SIAH2: variants seen among roughly 807,000 people sequenced by gnomAD.
SIAH2 encodes siah E3 ubiquitin protein ligase 2, also known as E3 ubiquitin-protein ligase SIAH2.
SIAH2 carries 4 observed loss-of-function variants against 20.4 expected under a neutral mutation model. The observed-to-expected ratio is 0.20, with a 90% CI of 0.10 to 0.45. The LOEUF (loss-of-function observed/expected upper bound fraction) is 0.45, where lower values mean the gene tolerates loss of function less well. Among genes scored for constraint, SIAH2 ranks in the 20% least tolerant of loss-of-function variants. The pLI is 0.99. For synonymous variants in SIAH2, 171 were observed against 192.5 expected, an observed-to-expected ratio of 0.89 and a Z score of 0.93; for missense variants, 259 against 440.3, an observed-to-expected ratio of 0.59 and a Z score of 3.69.
At chr3:150,752,783 A>G (rs1375427811) in intron 1 of SIAH2, among the ~76,000 whole-genome samples, 1 of 152,184 alleles carries the variant, frequency 6.6e-6, no homozygotes, top group Non-Finnish European at 1.5e-5. Context: ...ACCTGCTGGT[A>G]CCACTGCCAT....
chr3:150,744,842 G>C lies in SIAH2; in HGVS notation c.418-2144C>G, dbSNP rs1714173721. On this transcript the variant is annotated intron_variant, in intron 1 of 1. Transcript: ENST00000312960. ...ATTCATGACGAACTCAACATTTACAGCAAATATTTATCACTTGGCAATCAT... is the reference window on the plus strand; with the variant it reads ...ATTCATGACGAACTCAACATTTACACCAAATATTTATCACTTGGCAATCAT... 2.0e-5 allele frequency among the ~76,000 whole-genome samples: 3 copies of C among 152,186 alleles called. No homozygotes were observed. The South Asian group carries it at 6.2e-4, about 32-fold the overall frequency.
In SIAH2 at chr3:150,762,195, C is replaced by A; in HGVS notation, c.417+238G>T. The A allele has an allele frequency of 5.1e-6, 4 of 779,564 alleles. No homozygotes were observed. The highest frequency in any genetic ancestry group is 7.5e-6 in the Non-Finnish European group (4 of 531,226). The allele number at this position is 779,564 out of a possible 1,614,324, so 48.3% of individuals were successfully genotyped here. A position where few individuals can be genotyped will look rare whatever the true frequency, so the allele number is the denominator to read the frequency against. ...GGCCGGGTGAGCTACGATGTTCTAA[C>A]GATCAGCAAATGCCAATTAATCTGT... is the stretch of plus-strand genomic sequence containing the variant. On this transcript the variant is annotated intron_variant, in intron 1 of 1. Coordinates refer to ENST00000312960, the MANE Select transcript of SIAH2 (RefSeq NM_005067.7). This position sits in a 1 kb window ranked among gnomAD's most constrained non-coding sequence, Gnocchi z 6.6.
intron 1 of SIAH2, among the ~76,000 whole-genome samples, chr3:150,753,766 C>T (rs143355083): frequency 6.6e-6 from 1 of 152,052 alleles, no homozygotes; most frequent in East Asian, 1.9e-4. Context: ...TGCACTCCAG[C>T]TTGGATGACA....
At position 150,762,528 on chromosome 3, in the gene SIAH2, A is replaced by G. The variant is rs1714642703; in HGVS notation, c.322T>C (p.Leu108=). 6.2e-7 allele frequency: 1 copy of G among 1,613,664 alleles called. No individual in the cohort carries two copies. Among genetic ancestry groups the G allele is most frequent in the Non-Finnish European group, 8.5e-7 (1 of 1,179,952 alleles). Residue 108 remains leucine (L), a synonymous_variant, in exon 1 of 2, where the codon TTG becomes CTG. Transcript: ENST00000312960. This position sits in a 1 kb window ranked among gnomAD's most constrained non-coding sequence, Gnocchi z 6.6. The stretch of plus-strand genomic sequence containing the variant: ...CCCCTGCACGTCGGGCAGCAGCTCA[A>G]CTTCTGGCGGCATTGGTTACACACC... ...HLVCNQCRQK[L]SCCPTCRGAL...
In SIAH2 at chr3:150,741,198, T is replaced by G. The variant is rs1714078788; in HGVS notation, c.*943A>C. ...AACAAAACCAACACACAGCTTTAAA[T>G]AGCAAGCATATGACACACCGGTTAT... On this transcript the variant is annotated 3_prime_UTR_variant, in exon 2 of 2. Transcript: ENST00000312960. The G allele has an allele frequency of 6.6e-6, 1 of 152,616 alleles. No homozygotes were observed. The highest frequency in any genetic ancestry group is 2.4e-5 in the African/African-American group (1 of 41,450). 9.5% of individuals were successfully genotyped at this position (152,616 alleles called of 1,614,324 possible).
chr3:150,753,752 C>T (rs2108122410), intron 1 of SIAH2, among the ~76,000 whole-genome samples: 1 of 152,184 alleles, frequency 6.6e-6, no homozygotes, highest in Non-Finnish European at 1.5e-5. Context: ...TGTGATTATG[C>T]CACTGCACTC....
At chr3:150,761,771 T>G (rs1160542844) in intron 1 of SIAH2, among the ~76,000 whole-genome samples, 2 of 152,090 alleles carry the variant, frequency 1.3e-5, no homozygotes, top group Non-Finnish European at 2.9e-5. Context: ...AGCTCTTGAG[T>G]GCCCTTGTTA....
chr3:150,744,065 A>C lies in SIAH2; in HGVS notation c.418-1367T>G, dbSNP rs563272965. Among the ~76,000 whole-genome samples, 4 of 151,916 alleles carry C rather than the reference A, an allele frequency of 2.6e-5. No homozygotes were observed. In the East Asian group the frequency reaches 7.7e-4, roughly 29 times the overall value. On this transcript the variant is annotated intron_variant, in intron 1 of 1. Transcript: ENST00000312960. ...TTTTTGCTTCTCTCTACCCTGCTTT[A>C]TAGAATAATCCCCCTTTTAAACTTG...
At chr3:150,755,322 CTTTTTTTTTTT>C (rs386398232) in intron 1 of SIAH2, among the ~76,000 whole-genome samples, 305 of 80,226 alleles carry the variant, frequency 3.8e-3, no homozygotes, top group Non-Finnish European at 5.6e-3. Context: ...CTTTTCTTCC[CTTTTTTTTTTT>C]TTTTTTTTTT....
In SIAH2 at chr3:150,742,096, T is replaced by C. The variant is rs375912568; in HGVS notation, c.*45A>G. ...CATCTATAAAAACCTTTATTAAACA[T>C]AGAGCACTATGCCCAAATAATTTTG... On this transcript the variant is annotated 3_prime_UTR_variant, in exon 2 of 2. Transcript: ENST00000312960. This position sits in a 1 kb window ranked among gnomAD's most constrained non-coding sequence, Gnocchi z 4.8. 2.0e-6 allele frequency: 3 copies of C among 1,524,816 alleles called. No homozygotes were observed. Among genetic ancestry groups the C allele is most frequent in the Non-Finnish European group, 2.7e-6 (3 of 1,120,270 alleles). The allele number at this position is 1,524,816 out of a possible 1,614,324, so 94.5% of individuals were successfully genotyped here. A position where few individuals can be genotyped will look rare whatever the true frequency, so the allele number is the denominator to read the frequency against.
At chr3:150,754,392 T>C (rs1714436565) in intron 1 of SIAH2, among the ~76,000 whole-genome samples, 1 of 152,092 alleles carries the variant, frequency 6.6e-6, no homozygotes, top group Non-Finnish European at 1.5e-5. Context: ...CCAGATCTCA[T>C]AAGACTCACT....
intron 1 of SIAH2, among the ~76,000 whole-genome samples, chr3:150,760,233 G>A (rs1714574474): frequency 6.6e-6 from 1 of 152,136 alleles, no homozygotes; most frequent in Admixed American, 6.6e-5. Context: ...CCAAAGGTGA[G>A]GGACACACAC....
intron 1 of SIAH2, among the ~76,000 whole-genome samples, chr3:150,750,585 T>A (rs900424827): frequency 2.1e-4 from 30 of 142,252 alleles, no homozygotes; most frequent in Non-Finnish European, 2.7e-4. Context: ...GATTTAAAAA[T>A]TTTTTTTTTT....
chr3:150,762,777 G>T lies in SIAH2; in HGVS notation c.73C>A (p.His25Asn). 6.6e-6 allele frequency: 8 copies of T among 1,212,250 alleles called. No individual in the cohort carries two copies. The highest frequency in any genetic ancestry group is 8.3e-6 in the Non-Finnish European group (8 of 963,952). The allele number at this position is 1,212,250 out of a possible 1,614,324, so 75.1% of individuals were successfully genotyped here. A position where few individuals can be genotyped will look rare whatever the true frequency, so the allele number is the denominator to read the frequency against. Residue 25 changes from histidine (H) to asparagine (N), a missense_variant, in exon 1 of 2, where the codon CAC becomes AAC. Physicochemically the swap from His to Asn is moderately conservative, Grantham distance 68 (BLOSUM62 1). Transcript: ENST00000312960. This position sits in a 1 kb window ranked among gnomAD's most constrained non-coding sequence, Gnocchi z 6.6. ...GGGGGCGCAGCCGGGGACGGAGTGT[G>T]CTGGGGCTGCGGCGGCGGCTGCTTG... ...CSKQPPPQPQ[H>N]TPSPAAPPAA...
chr3:150,752,424 C>A (rs1714391674), intron 1 of SIAH2, among the ~76,000 whole-genome samples: 2 of 152,232 alleles, frequency 1.3e-5, no homozygotes. Flanking sequence ...GTCTGGCCAA[C>A]ATGGCGAAGT....
rs957616717 is a variant in SIAH2, at chr3:150,742,036, G to A, written c.*105C>T. 3.4e-5 allele frequency: 38 copies of A among 1,114,734 alleles called. No individual in the cohort carries two copies. Among genetic ancestry groups the A allele is most frequent in the Non-Finnish European group, 4.5e-5 (35 of 784,154 alleles). The allele number at this position is 1,114,734 out of a possible 1,614,324, so 69.1% of individuals were successfully genotyped here. On this transcript the variant is annotated 3_prime_UTR_variant, in exon 2 of 2. Transcript: ENST00000312960. The surrounding 1 kb of genome is among the most constrained non-coding windows in gnomAD (Gnocchi z 4.8). ...CTGTTCAAACAAAACACGGGTAATT[G>A]TGGGTCCTGACTTGTGAAGACATAT...
At position 150,762,688 on chromosome 3, in the gene SIAH2, C is replaced by T. The variant is rs775106708; in HGVS notation, c.162G>A (p.Val54=). The T allele has an allele frequency of 7.3e-7, 1 of 1,367,144 alleles. No individual in the cohort carries two copies. The highest frequency in any genetic ancestry group is 1.8e-5 in the South Asian group (1 of 56,626). 84.7% of individuals were successfully genotyped at this position (1,367,144 alleles called of 1,614,324 possible). The change falls in exon 1 of 2, where the codon GTG becomes GTA. Residue 54 remains valine, a synonymous_variant. Coordinates refer to ENST00000312960, the MANE Select transcript of SIAH2 (RefSeq NM_005067.7). This position sits in a 1 kb window ranked among gnomAD's most constrained non-coding sequence, Gnocchi z 6.6. Reference sequence around the variant, plus strand: ...CGCCGCCGCCGCCGGGGCCCGAGATCACCGCCGCCGCGGCGGGCACCGCGG... The same window carrying T: ...CGCCGCCGCCGCCGGGGCCCGAGATTACCGCCGCCGCGGCGGGCACCGCGG... ...GSSAVPAAAA[V]ISGPGGGGGA...
chr3:150,757,050 A>C (rs1184770886), intron 1 of SIAH2, among the ~76,000 whole-genome samples: 1 of 151,996 alleles, frequency 6.6e-6, no homozygotes, highest in Non-Finnish European at 1.5e-5. Context: ...CCCATATTCC[A>C]TTCCATATGG....
At chr3:150,759,664 C>A (rs1454131798) in intron 1 of SIAH2, among the ~76,000 whole-genome samples, 3 of 151,920 alleles carry the variant, frequency 2.0e-5, no homozygotes, top group African/African-American at 7.3e-5. Flanking sequence ...TCACATTTAA[C>A]CACTCTGTAG....
Sources: allele counts gnomAD v4.1 joint callset (sites outside exome capture counted in the v4.1 genomes callset), GRCh38; gene constraint gnomAD v4.1.1; non-coding constraint Gnocchi (gnomAD v3.1); transcripts MANE v1.5; gene names NCBI Gene and HGNC (gene_info 2026-07-23, HGNC 2026-07-21).